LRRC75A: variants seen among roughly 807,000 people sequenced by gnomAD.
LRRC75A encodes the protein leucine rich repeat containing 75A.
In LRRC75A, 12 loss-of-function variants were observed where a neutral mutation model predicts 26.0. The ratio of observed to expected loss-of-function variants is 0.46; its 90% CI spans 0.30 to 0.75. LRRC75A has a LOEUF of 0.75. Among genes scored for constraint, LRRC75A ranks in the 30% least tolerant of loss-of-function variants. LRRC75A has a pLI of 0.08. For synonymous variants in LRRC75A, 223 were observed against 219.3 expected, an observed-to-expected ratio of 1.02 and a Z score of -0.15; for missense variants, 410 against 486.6, an observed-to-expected ratio of 0.84 and a Z score of 1.48.
rs1229599157 is a variant in LRRC75A, at chr17:16,479,025, G to A, written c.246+12720C>T. Among the ~76,000 whole-genome samples, 6 of 152,334 alleles carry A rather than the reference G, an allele frequency of 3.9e-5. No individual in the cohort carries two copies. The East Asian group carries it at 1.2e-3, about 29-fold the overall frequency. On this transcript the variant is annotated intron_variant, in intron 1 of 3. Transcript: ENST00000470794. ...TATGAACAGTCTGGGAAGCTTGAGG[G>A]GAATCCTGGACCCCTGCAATACTGC...
chr17:16,491,745 C>G lies in LRRC75A; in HGVS notation c.246G>C (p.Gln82His). 7.2e-7 allele frequency: 1 copy of G among 1,390,356 alleles called. No homozygotes were observed. The highest frequency in any genetic ancestry group is 9.3e-7 in the Non-Finnish European group (1 of 1,072,010). The allele number at this position is 1,390,356 out of a possible 1,614,324, so 86.1% of individuals were successfully genotyped here. A position where few individuals can be genotyped will look rare whatever the true frequency, so the allele number is the denominator to read the frequency against. ...CCCCGCGCCCCCTCCCCGCGCTCAC[C>G]TGGCGCAGGTGCTGCAGCAGCGTCC... ...EAGTLLQHLRQDLGMESTSLD... is the reference protein window; with the variant it reads ...EAGTLLQHLRHDLGMESTSLD... The change falls in exon 1 of 4, where the codon CAG becomes CAC. Residue 82 changes from glutamine (Q) to histidine (H), a missense_variant and splice_region_variant. Gln to His is a conservative substitution (Grantham distance 24, BLOSUM62 0). Coordinates refer to ENST00000470794, the MANE Select transcript of LRRC75A (RefSeq NM_001113567.3). The surrounding 1 kb of genome is among the most constrained non-coding windows in gnomAD (Gnocchi z 5.9).
chr17:16,473,662 C>G (rs1450169872), intron 1 of LRRC75A, among the ~76,000 whole-genome samples: 1 of 152,204 alleles, frequency 6.6e-6, no homozygotes, highest in Non-Finnish European at 1.5e-5. Flanking sequence ...ACCAGACTTG[C>G]CCAGCCTGTC....
chr17:16,490,340 A>C (rs530380276), intron 1 of LRRC75A, among the ~76,000 whole-genome samples: 1 of 152,350 alleles, frequency 6.6e-6, no homozygotes, highest in East Asian at 1.9e-4. Flanking sequence ...TATAAAGGCC[A>C]TATGTCAGCT....
chr17:16,454,908 ATTTCT>A (rs146176252), intron 2 of LRRC75A, among the ~76,000 whole-genome samples: 37,750 of 147,418 alleles, frequency 0.26, 5,063 homozygotes, highest in Middle Eastern at 0.3. Flanking sequence ...AAGGGTCCTC[ATTTCT>A]TTTCTTTTCT....
At chr17:16,450,722 G>A (rs997345307) in intron 2 of LRRC75A, among the ~76,000 whole-genome samples, 27 of 152,228 alleles carry the variant, frequency 1.8e-4, no homozygotes, top group African/African-American at 5.8e-4. Flanking sequence ...GGGGGCTGCA[G>A]GGGAGTCCCT....
intron 2 of LRRC75A, among the ~76,000 whole-genome samples, chr17:16,453,666 T>C (rs1254119083): frequency 6.6e-6 from 1 of 152,132 alleles, no homozygotes; most frequent in Non-Finnish European, 1.5e-5. Context: ...TGAGCACTGT[T>C]TGCATGAACA....
chr17:16,490,719 A>C (rs1287012165), intron 1 of LRRC75A, among the ~76,000 whole-genome samples: 1 of 152,030 alleles, frequency 6.6e-6, no homozygotes. Flanking sequence ...CGACTGGAAA[A>C]CCCCAGAAAG....
At chr17:16,471,712 C>G (rs1568979228) in intron 1 of LRRC75A, among the ~76,000 whole-genome samples, 1 of 152,186 alleles carries the variant, frequency 6.6e-6, no homozygotes, top group Non-Finnish European at 1.5e-5. Context: ...GGGAAAGAAC[C>G]TTTAAAAACA....
rs538584702 is a variant in LRRC75A, at chr17:16,485,733, G to A, written c.246+6012C>T. Reference sequence around the variant, plus strand: ...ATGCGTGGTTTTCTTGCAGGGCACCGGCAGCACTGCTCTTGGTGGGGAAGG... The same window carrying A: ...ATGCGTGGTTTTCTTGCAGGGCACCAGCAGCACTGCTCTTGGTGGGGAAGG... On this transcript the variant is annotated intron_variant, in intron 1 of 3. Coordinates refer to ENST00000470794, the MANE Select transcript of LRRC75A (RefSeq NM_001113567.3). 3.3e-5 allele frequency among the ~76,000 whole-genome samples: 5 copies of A among 150,898 alleles called. No individual in the cohort carries two copies. The East Asian group carries it at 9.8e-4, about 29-fold the overall frequency.
At chr17:16,461,724 G>A (rs565587305) in intron 2 of LRRC75A, among the ~76,000 whole-genome samples, 1 of 152,340 alleles carries the variant, frequency 6.6e-6, no homozygotes, top group Non-Finnish European at 1.5e-5. Flanking sequence ...GCCCCGGACG[G>A]CCTTCTATGA....
rs79232351 is a variant in LRRC75A at position 16,482,634 on chromosome 17, G to A, written c.246+9111C>T. On this transcript the variant is annotated intron_variant, in intron 1 of 3. Transcript: ENST00000470794. ...ACTGAGGAAAGGGGTTTGCCCAGCA[G>A]CCAGTGTGTGCCGTGCCCTGCACCT... Among the ~76,000 whole-genome samples the A allele has an allele frequency of 2.1e-3, 326 of 152,352 alleles. 3 individuals carry two copies. Among genetic ancestry groups the A allele is most frequent in the African/African-American group, 7.7e-3 (321 of 41,564 alleles).
intron 1 of LRRC75A, among the ~76,000 whole-genome samples, chr17:16,465,751 T>C (rs1168278531): frequency 6.6e-6 from 1 of 152,154 alleles, no homozygotes; most frequent in African/African-American, 2.4e-5. Flanking sequence ...TCCCCTGCCG[T>C]CTCCCCGCGC....
intron 1 of LRRC75A, among the ~76,000 whole-genome samples, chr17:16,472,473 A>C (rs908775817): frequency 1.3e-5 from 2 of 152,210 alleles, no homozygotes; most frequent in Non-Finnish European, 2.9e-5. Context: ...AAGTGGCACC[A>C]GTGGGCTTGA....
In LRRC75A at chr17:16,491,921, G is replaced by A; in HGVS notation, c.70C>T (p.Arg24Cys). The A allele has an allele frequency of 1.6e-6, 2 of 1,258,686 alleles. No individual in the cohort carries two copies. Among genetic ancestry groups the A allele is most frequent in the Non-Finnish European group, 2.0e-6 (2 of 1,005,092 alleles). The allele number at this position is 1,258,686 out of a possible 1,614,324, so 78.0% of individuals were successfully genotyped here. The change falls in exon 1 of 4, where the codon CGC (arginine) becomes TGC (cysteine). Residue 24 changes from arginine to cysteine, a missense_variant. Arg to Cys is a radical substitution (Grantham distance 180). Transcript: ENST00000470794. The surrounding 1 kb of genome is among the most constrained non-coding windows in gnomAD (Gnocchi z 5.9). The part of the protein sequence containing the change: ...ASPGAAPGPR[R>C]ERPDFWASLL... ...GACGCCCAGAAGTCCGGCCGTTCGC[G>A]TCGGGGGCCCGGCGCGGCGCCGGGG...
chr17:16,480,395 C>T (rs141502603), intron 1 of LRRC75A, among the ~76,000 whole-genome samples: 1,553 of 152,064 alleles, frequency 0.01, 29 homozygotes, highest in African/African-American at 0.036. Context: ...TTTGGGAGGC[C>T]GAGGTGGGCG....
Position 16,491,933 on chromosome 17 carries a change from G to T in LRRC75A, c.58C>A (p.Pro20Thr). 1 of 1,246,490 alleles carries T rather than the reference G, an allele frequency of 8.0e-7. No homozygotes were observed. The highest frequency in any genetic ancestry group is 1.0e-6 in the Non-Finnish European group (1 of 998,320). 77.2% of individuals were successfully genotyped at this position (1,246,490 alleles called of 1,614,324 possible). A position where few individuals can be genotyped will look rare whatever the true frequency, so the allele number is the denominator to read the frequency against. Residue 20 changes from proline to threonine, a missense_variant, in exon 1 of 4, where the codon CCG (proline) becomes ACG (threonine). Coordinates refer to ENST00000470794, the MANE Select transcript of LRRC75A (RefSeq NM_001113567.3). The surrounding 1 kb of genome is among the most constrained non-coding windows in gnomAD (Gnocchi z 5.9). ...TCCGGCCGTTCGCGTCGGGGGCCCG[G>T]CGCGGCGCCGGGGCTGGCTCTCTCC... The part of the protein sequence containing the change: ...LAERASPGAA[P>T]GPRRERPDFW...
intron 2 of LRRC75A, among the ~76,000 whole-genome samples, chr17:16,456,264 A>AGAG (rs745916278): frequency 1.2e-5 from 1 of 86,172 alleles, no homozygotes. Flanking sequence ...AGGATCAGGA[A>AGAG]GAGGAGGAGG....
At chr17:16,486,936 C>T (rs533224960) in intron 1 of LRRC75A, among the ~76,000 whole-genome samples, 2 of 152,360 alleles carry the variant, frequency 1.3e-5, no homozygotes, top group Admixed American at 6.5e-5. Context: ...CGCGTACGCA[C>T]ATCTTCACGG....
At chr17:16,464,529 G>A (rs2143202071) in intron 1 of LRRC75A, among the ~76,000 whole-genome samples, 1 of 152,342 alleles carries the variant, frequency 6.6e-6, no homozygotes, top group South Asian at 2.1e-4. Flanking sequence ...TAAAGCCTCT[G>A]GCAGGGAACA....
Sources: allele counts gnomAD v4.1 joint callset (sites outside exome capture counted in the v4.1 genomes callset), GRCh38; gene constraint gnomAD v4.1.1; non-coding constraint Gnocchi (gnomAD v3.1); transcripts MANE v1.5; gene names NCBI Gene and HGNC (gene_info 2026-07-23, HGNC 2026-07-21).